The following EXOC2 variants were observed in gnomAD, a reference collection of about 807,000 sequenced individuals.
EXOC2 encodes the protein SEC5-like 1.
In EXOC2, 70 loss-of-function variants were observed where a neutral mutation model predicts 131.8. That is an observed-to-expected ratio of 0.53 (90% CI 0.44 to 0.65). The LOEUF is 0.65. Among genes scored for constraint, EXOC2 ranks in the 30% least tolerant of loss-of-function variants. The probability of loss-of-function intolerance (pLI) is 0.00; values close to 1 mark genes in which losing one functional copy is unlikely to be tolerated. For synonymous variants in EXOC2, 411 were observed against 398.4 expected (o/e 1.03, Z -0.38); for missense variants, 923 against 1,108.6 (o/e 0.83, Z 2.38).
At chr6:605,342 G>A (rs775901742) in intron 7 of EXOC2, among the ~76,000 whole-genome samples, 5 of 152,154 alleles carry the variant, frequency 3.3e-5, no homozygotes, top group Non-Finnish European at 5.9e-5. Flanking sequence ...TGTTGGTTAC[G>A]AATGAATAAC....
intron 4 of EXOC2, among the ~76,000 whole-genome samples, chr6:623,365 A>G (rs1288710558): frequency 6.6e-6 from 1 of 151,936 alleles, no homozygotes; most frequent in Non-Finnish European, 1.5e-5. Flanking sequence ...TCAAAATACC[A>G]CCTCCCCTAA....
chr6:556,486 T>C lies in EXOC2; in HGVS notation c.1930A>G (p.Ser644Gly). The change falls in exon 18 of 28, where the codon AGT (serine) becomes GGT (glycine). Residue 644 changes from serine (S) to glycine (G), a missense_variant and splice_region_variant. By Grantham distance (56) the Ser-to-Gly change is moderately conservative. Transcript: ENST00000230449. ...GVLECKPGEA[S>G]VFQQPKTQEE... is the part of the protein sequence containing the mutation. ...CCAAGCGGAGCTGGAATACTTACACTGGCCTCTCCCGGCTTGCACTCCAGA... is the reference window on the plus strand; with the variant it reads ...CCAAGCGGAGCTGGAATACTTACACCGGCCTCTCCCGGCTTGCACTCCAGA... The C allele has an allele frequency of 6.2e-7, 1 of 1,613,916 alleles. No individual in the cohort carries two copies. The highest frequency in any genetic ancestry group is 8.5e-7 in the Non-Finnish European group (1 of 1,179,894).
At chr6:542,896 G>A (rs1313798443) in intron 22 of EXOC2, among the ~76,000 whole-genome samples, 3 of 152,172 alleles carry the variant, frequency 2.0e-5, no homozygotes, top group Non-Finnish European at 4.4e-5. Flanking sequence ...CTACACAAAC[G>A]CCAGCCTACG....
intron 11 of EXOC2, among the ~76,000 whole-genome samples, chr6:580,502 A>C (rs892310471): frequency 2.0e-5 from 3 of 152,270 alleles, no homozygotes; most frequent in Non-Finnish European, 4.4e-5. Flanking sequence ...TTCTGGATGA[A>C]AATTTTTAAA....
intron 4 of EXOC2, among the ~76,000 whole-genome samples, chr6:625,581 C>T (rs1761524513): frequency 1.4e-5 from 2 of 147,552 alleles, no homozygotes; most frequent in Non-Finnish European, 3.0e-5. Flanking sequence ...TCTCATTGCC[C>T]ATCTATTTTT....
At chr6:656,088 A>T in intron 1 of EXOC2, 2 of 1,562,936 alleles carry the variant, frequency 1.3e-6, no homozygotes, top group Non-Finnish European at 1.8e-6. Flanking sequence ...TTAAAAAAAA[A>T]ATCTAAGCTG....
At chr6:620,840 A>G (rs1761252145) in intron 4 of EXOC2, among the ~76,000 whole-genome samples, 1 of 152,248 alleles carries the variant, frequency 6.6e-6, no homozygotes, top group South Asian at 2.1e-4. Context: ...TGGGATGGAC[A>G]GAGAGACAAG....
rs116508596 is a variant in EXOC2 at position 576,676 on chromosome 6, G to A, written c.1318+81C>T. On this transcript the variant is annotated intron_variant, in intron 12 of 27. Transcript: ENST00000230449. Reference sequence around the variant, plus strand: ...TAGCACCAGTATCAACACAAATTGGGGAATTTTCCAAGAGAAGAATGTTTG... The same window carrying A: ...TAGCACCAGTATCAACACAAATTGGAGAATTTTCCAAGAGAAGAATGTTTG... 9.0e-3 allele frequency: 14,069 copies of A among 1,557,456 alleles called. 91 individuals are homozygous for A. Among genetic ancestry groups the A allele is most frequent in the Non-Finnish European group, 0.011 (12,764 of 1,146,052 alleles).
At chr6:598,395 G>C (rs1172176318) in intron 9 of EXOC2, among the ~76,000 whole-genome samples, 1 of 152,158 alleles carries the variant, frequency 6.6e-6, no homozygotes, top group Non-Finnish European at 1.5e-5. Flanking sequence ...GGTCCTTACA[G>C]ATTTCATTTT....
At chr6:647,202 CT>C (rs1762612180) in intron 1 of EXOC2, among the ~76,000 whole-genome samples, 1 of 152,130 alleles carries the variant, frequency 6.6e-6, no homozygotes, top group African/African-American at 2.4e-5. Flanking sequence ...CTTTCAGATT[CT>C]GGTCTAGATC....
At chr6:503,235 C>T (rs1764333311) in intron 23 of EXOC2, among the ~76,000 whole-genome samples, 1 of 151,508 alleles carries the variant, frequency 6.6e-6, no homozygotes, top group Non-Finnish European at 1.5e-5. Context: ...AGTTCTCATT[C>T]ATTCAACTAA....
At chr6:561,266 C>T (rs575858675) in intron 17 of EXOC2, among the ~76,000 whole-genome samples, 53 of 152,146 alleles carry the variant, frequency 3.5e-4, no homozygotes, top group Admixed American at 5.2e-4. Context: ...TACAGTCTGC[C>T]CTTCATGCCC....
intron 1 of EXOC2, among the ~76,000 whole-genome samples, chr6:677,571 C>T (rs997969110): frequency 2.0e-5 from 3 of 152,058 alleles, no homozygotes; most frequent in African/African-American, 7.2e-5. Flanking sequence ...TGGGTTCAAG[C>T]GATTCTCCTG....
intron 13 of EXOC2, among the ~76,000 whole-genome samples, chr6:571,106 C>T (rs1382982861): frequency 6.6e-6 from 1 of 152,212 alleles, no homozygotes; most frequent in Non-Finnish European, 1.5e-5. Flanking sequence ...AAGCAACTCT[C>T]ATTATGTAGA....
chr6:588,409 G>A (rs1368295213), intron 11 of EXOC2, among the ~76,000 whole-genome samples: 1 of 152,220 alleles, frequency 6.6e-6, no homozygotes, highest in African/African-American at 2.4e-5. Context: ...CTGGAGTGCA[G>A]TGGTACGATC....
chr6:539,541 C>T (rs780652707), intron 22 of EXOC2, among the ~76,000 whole-genome samples: 3 of 152,224 alleles, frequency 2.0e-5, no homozygotes, highest in Non-Finnish European at 4.4e-5. Context: ...AGAAGAGATG[C>T]CTAAGTCGAT....
At chr6:647,964 G>A (rs983052281) in intron 1 of EXOC2, among the ~76,000 whole-genome samples, 8 of 152,182 alleles carry the variant, frequency 5.3e-5, no homozygotes, top group African/African-American at 7.2e-5. Flanking sequence ...GCACAAAGCA[G>A]ACAACTGAAA....
chr6:623,667 C>A (rs778474276), intron 4 of EXOC2, among the ~76,000 whole-genome samples: 1 of 152,178 alleles, frequency 6.6e-6, no homozygotes, highest in Non-Finnish European at 1.5e-5. Flanking sequence ...CACAGCCCCC[C>A]AATTGCCCCT....
chr6:556,671 G>A, intron 17 of EXOC2, 107 bp from the exon 18 acceptor site: 1 of 1,179,012 alleles, frequency 8.5e-7, no homozygotes. Flanking sequence ...CCAGATTAAT[G>A]GAATGGAACA....
Sources: gnomAD v4.1 joint callset for allele counts (sites outside exome capture counted in the v4.1 genomes callset) on GRCh38, gnomAD v4.1.1 for gene constraint, MANE v1.5 for transcripts, NCBI Gene and HGNC (gene_info 2026-07-23, HGNC 2026-07-21) for gene names.